Variants in TOM1 observed in about 807,000 individuals in gnomAD.
TOM1 encodes the protein target of myb1 membrane trafficking protein.
TOM1 carries 38 observed loss-of-function variants against 61.3 expected under a neutral mutation model. The ratio of observed to expected loss-of-function variants is 0.62; its 90% confidence interval spans 0.48 to 0.81. TOM1 has a LOEUF of 0.81. Among genes scored for constraint, TOM1 ranks in the 40% least tolerant of loss-of-function variants. The probability of loss-of-function intolerance (pLI) is 0.00; values close to 1 mark genes in which losing one functional copy is unlikely to be tolerated. For synonymous variants in TOM1, 270 were observed against 268.8 expected, an observed-to-expected ratio of 1.00 and a Z score of -0.04; for missense variants, 591 against 659.6, an observed-to-expected ratio of 0.90 and a Z score of 1.14.
chr22:35,301,671 G>T (rs1432489901), intron 1 of TOM1, among the ~76,000 whole-genome samples: 1 of 151,956 alleles, frequency 6.6e-6, no homozygotes, highest in East Asian at 1.9e-4. Flanking sequence ...TGTTGTAATC[G>T]CCACCGTGGC....
chr22:35,307,604 G>A (rs1343461017), intron 1 of TOM1, among the ~76,000 whole-genome samples: 1 of 152,238 alleles, frequency 6.6e-6, no homozygotes, highest in Non-Finnish European at 1.5e-5. Flanking sequence ...GCACTGCAAA[G>A]TGCGGTGGAG....
At position 35,330,380 on chromosome 22, in the gene TOM1, C is replaced by A; in HGVS notation, c.799C>A (p.Arg267=). 1 of 1,613,216 alleles carries A rather than the reference C, an allele frequency of 6.2e-7. No homozygotes were observed. Among genetic ancestry groups the A allele is most frequent in the Non-Finnish European group, 8.5e-7 (1 of 1,179,690 alleles). The part of the protein sequence containing the change: ...LNRTCRAMQQ[R]VLELIPQIAN... Reference sequence around the variant, plus strand: ...CCGCACGTGCCGAGCCATGCAGCAGCGGGTCCTGGAGCTCATCCCTCAGAT... The same window carrying A: ...CCGCACGTGCCGAGCCATGCAGCAGAGGGTCCTGGAGCTCATCCCTCAGAT... Residue 267 remains arginine, a synonymous_variant, in exon 8 of 15, where the codon CGG becomes AGG. Coordinates refer to ENST00000449058, the MANE Select transcript of TOM1 (RefSeq NM_005488.3).
At chr22:35,327,741 G>A (rs1210114969) in intron 7 of TOM1, among the ~76,000 whole-genome samples, 5 of 152,148 alleles carry the variant, frequency 3.3e-5, no homozygotes, top group African/African-American at 1.2e-4. Context: ...GGGGTCCTGA[G>A]AAAAAGCTGG....
chr22:35,339,693 A>G (rs997282787), intron 12 of TOM1, among the ~76,000 whole-genome samples: 11 of 152,070 alleles, frequency 7.2e-5, no homozygotes, highest in Admixed American at 6.5e-4. Context: ...TCACGAGGTC[A>G]GGAGATCGAG....
chr22:35,342,656 C>T (rs1929961811), intron 12 of TOM1, among the ~76,000 whole-genome samples: 1 of 151,828 alleles, frequency 6.6e-6, no homozygotes. Context: ...TGGCTCACCC[C>T]CCGGTGGGTA....
At position 35,347,245 on chromosome 22, in the gene TOM1, C is replaced by T. The variant is rs779311008; in HGVS notation, c.*36C>T. 1.9e-6 allele frequency: 3 copies of T among 1,561,952 alleles called. No homozygotes were observed. Among genetic ancestry groups the T allele is most frequent in the Non-Finnish European group, 1.7e-6 (2 of 1,151,394 alleles). Reference sequence around the variant, plus strand: ...TGGCACCCTGCAGCCCAGGTCCCCACTGCTCTCACACCCTTAGGCTGGGAC... The same window carrying T: ...TGGCACCCTGCAGCCCAGGTCCCCATTGCTCTCACACCCTTAGGCTGGGAC... On this transcript the variant is annotated 3_prime_UTR_variant, in exon 15 of 15. Transcript: ENST00000449058.
At chr22:35,315,441 C>T (rs1287900735) in intron 1 of TOM1, among the ~76,000 whole-genome samples, 2 of 152,180 alleles carry the variant, frequency 1.3e-5, no homozygotes, top group East Asian at 1.9e-4. Flanking sequence ...CAGAGGGACA[C>T]TTGTTTGGCC....
chr22:35,347,910 C>T lies in TOM1; in HGVS notation c.*701C>T, dbSNP rs1930644865. The T allele has an allele frequency of 6.6e-6, 1 of 152,652 alleles. No individual in the cohort carries two copies. The highest frequency in any genetic ancestry group is 2.4e-5 in the African/African-American group (1 of 41,436). The allele number at this position is 152,652 out of a possible 1,614,324, so 9.5% of individuals were successfully genotyped here. ...GGCACCACAGCACTGGGGCTCACCT[C>T]TTGGTTGATCCTCTTGTACTGGGAG... On this transcript the variant is annotated 3_prime_UTR_variant, in exon 15 of 15. Transcript: ENST00000449058.
At chr22:35,319,168 A>G (rs1927559101) in intron 2 of TOM1, among the ~76,000 whole-genome samples, 1 of 152,194 alleles carries the variant, frequency 6.6e-6, no homozygotes, top group African/African-American at 2.4e-5. Context: ...CCAAGCCTCT[A>G]GACAGGCCTG....
chr22:35,318,742 C>T lies in TOM1; in HGVS notation c.137+781C>T, dbSNP rs191076624. Among the ~76,000 whole-genome samples the T allele has an allele frequency of 3.2e-3, 490 of 152,366 alleles. 4 individuals carry two copies. The highest frequency in any genetic ancestry group is 0.011 in the African/African-American group (472 of 41,584). On this transcript the variant is annotated intron_variant, in intron 2 of 14. Coordinates refer to ENST00000449058, the MANE Select transcript of TOM1 (RefSeq NM_005488.3). ...TCCCTGTCCTCTCAGGAAAACCCAG[C>T]GAAGGCTGGGCAGAGGTGTGGGAGC...
At chr22:35,334,546 C>A in intron 11 of TOM1, 98 bp downstream of exon 11, 2 of 1,453,070 alleles carry the variant, frequency 1.4e-6, no homozygotes, top group Non-Finnish European at 1.9e-6. Context: ...GAAGGGCACA[C>A]GGACCCTGCT....
intron 7 of TOM1, among the ~76,000 whole-genome samples, chr22:35,328,563 C>T (rs553848806): frequency 3.3e-4 from 50 of 152,328 alleles, no homozygotes; most frequent in African/African-American, 1.2e-3. Context: ...AAGTGCTGCT[C>T]TTCTGCTCTT....
At chr22:35,312,374 T>C (rs1210823806) in intron 1 of TOM1, among the ~76,000 whole-genome samples, 1 of 152,196 alleles carries the variant, frequency 6.6e-6, no homozygotes, top group Non-Finnish European at 1.5e-5. Flanking sequence ...GAATTGTCAG[T>C]TGTGGCCTCC....
chr22:35,343,873 A>G (rs1490701263), intron 12 of TOM1, among the ~76,000 whole-genome samples: 1 of 133,206 alleles, frequency 7.5e-6, no homozygotes, highest in Middle Eastern at 5.0e-3. Flanking sequence ...TACCACCCCT[A>G]CACACTCATA....
chr22:35,339,068 C>T (rs549277030), intron 12 of TOM1, among the ~76,000 whole-genome samples: 4 of 152,216 alleles, frequency 2.6e-5, no homozygotes, highest in Non-Finnish European at 5.9e-5. Context: ...TGGTGGCTCA[C>T]ACCTGTAATC....
intron 1 of TOM1, among the ~76,000 whole-genome samples, chr22:35,302,330 C>CTTTTTTTTTTTTTTT (rs138734): frequency 9.9e-5 from 7 of 70,918 alleles, no homozygotes; most frequent in East Asian, 4.4e-4. Flanking sequence ...TTTTCTTTTT[C>CTTTTTTTTTTTTTTT]TTTTTTTTTT....
intron 11 of TOM1, among the ~76,000 whole-genome samples, 181 bp from the exon 12 acceptor site, chr22:35,338,532 G>C (rs1057486299): frequency 1.3e-5 from 2 of 152,100 alleles, no homozygotes; most frequent in Admixed American, 1.3e-4. Flanking sequence ...CTTTGCTGCT[G>C]TCTGTCATGT....
At chr22:35,313,062 G>A (rs1306125226) in intron 1 of TOM1, among the ~76,000 whole-genome samples, 1 of 151,972 alleles carries the variant, frequency 6.6e-6, no homozygotes, top group African/African-American at 2.4e-5. Context: ...GATACTGGCC[G>A]GACACAGTGG....
chr22:35,312,256 A>G (rs1926904622), intron 1 of TOM1, among the ~76,000 whole-genome samples: 2 of 152,028 alleles, frequency 1.3e-5, no homozygotes, highest in African/African-American at 4.8e-5. Context: ...AAAAAAAAAA[A>G]AAAGACAAGG....
Sources: allele counts gnomAD v4.1 joint callset (sites outside exome capture counted in the v4.1 genomes callset), GRCh38; gene constraint gnomAD v4.1.1; transcripts MANE v1.5; gene names NCBI Gene and HGNC (gene_info 2026-07-23, HGNC 2026-07-21).